Variants in POLN observed in about 807,000 individuals in gnomAD.
POLN encodes DNA polymerase N.
A neutral mutation model predicts 113.5 loss-of-function variants in POLN; 108 were observed. That is an observed-to-expected ratio of 0.95 (90% CI 0.81 to 1.12). The LOEUF (loss-of-function observed/expected upper bound fraction) is 1.12. Ranked by LOEUF, POLN falls within the 50% of genes most tolerant of loss-of-function variation. The probability of loss-of-function intolerance (pLI) is 0.00; values close to 1 mark genes in which losing one functional copy is unlikely to be tolerated. For missense variants in POLN, 1,097 were observed against 1,077.1 expected, an observed-to-expected ratio of 1.02 and a Z score of -0.26; for synonymous variants, 386 against 391.5, an observed-to-expected ratio of 0.99 and a Z score of 0.17.
chr4:2,220,777 A>G (rs11930010), intron 3 of POLN, among the ~76,000 whole-genome samples: 12,573 of 152,156 alleles, frequency 0.083, 778 homozygotes, highest in African/African-American at 0.16. Flanking sequence ...GTACTTTTCG[A>G]CAGGGTTATT....
intron 21 of POLN, 55 bp from the exon 22 acceptor site, chr4:2,081,798 T>C (rs1730427862): frequency 6.0e-6 from 9 of 1,497,720 alleles, no homozygotes; most frequent in Non-Finnish European, 8.4e-6. Flanking sequence ...CCACAGCAGG[T>C]GCAGCTCCCT....
At chr4:2,212,433 G>C (rs377080979) in intron 4 of POLN, among the ~76,000 whole-genome samples, 5 of 152,178 alleles carry the variant, frequency 3.3e-5, no homozygotes, top group African/African-American at 1.2e-4. Context: ...GGAGTGTTGT[G>C]GTGCAATCAC....
At chr4:2,233,664 T>G (rs1734659378) in intron 2 of POLN, among the ~76,000 whole-genome samples, 1 of 152,230 alleles carries the variant, frequency 6.6e-6, no homozygotes, top group Admixed American at 6.5e-5. Context: ...CTTATTTTTT[T>G]CCTTTTAACA....
intron 19 of POLN, among the ~76,000 whole-genome samples, chr4:2,097,007 T>A (rs1317207555): frequency 1.3e-5 from 2 of 152,226 alleles, no homozygotes; most frequent in Non-Finnish European, 2.9e-5. Context: ...TCCAAAAGCA[T>A]CTCTCTCCTC....
intron 16 of POLN, among the ~76,000 whole-genome samples, chr4:2,151,160 T>C (rs1171129732): frequency 1.3e-5 from 2 of 152,180 alleles, no homozygotes; most frequent in African/African-American, 4.8e-5. Context: ...GCAGAAGGTA[T>C]GACTAGGTGC....
chr4:2,174,697 A>C lies in POLN; in HGVS notation c.1303T>G (p.Leu435Val). Reference sequence around the variant, plus strand: ...CATCTTTATGGTAACTTACCTGCCAAAATTGGTATCAGAGGAAGCTCCAAA... The same window carrying C: ...CATCTTTATGGTAACTTACCTGCCACAATTGGTATCAGAGGAAGCTCCAAA... ...RTLELPLIPI[L>V]AVMESHAIQV... The change falls in exon 10 of 26, where the codon TTG (leucine) becomes GTG (valine). Residue 435 changes from leucine (L) to valine (V), a missense_variant. Transcript: ENST00000511885. 1 of 1,608,464 alleles carries C rather than the reference A, an allele frequency of 6.2e-7. No individual in the cohort carries two copies. Among genetic ancestry groups the C allele is most frequent in the Admixed American group, 1.7e-5 (1 of 59,982 alleles).
At chr4:2,193,384 A>T in intron 6 of POLN, 68 bp from the exon 7 acceptor site, 1 of 992,154 alleles carries the variant, frequency 1.0e-6, no homozygotes. Context: ...GAAAAATATT[A>T]TTACTACTCA....
chr4:2,143,464 C>G (rs907857615), intron 16 of POLN, among the ~76,000 whole-genome samples: 1 of 152,082 alleles, frequency 6.6e-6, no homozygotes, highest in Non-Finnish European at 1.5e-5. Flanking sequence ...ACCAATTCTT[C>G]AAAAAGCAAA....
At chr4:2,107,659 G>A (rs1359230636) in intron 19 of POLN, among the ~76,000 whole-genome samples, 1 of 152,196 alleles carries the variant, frequency 6.6e-6, no homozygotes, top group Non-Finnish European at 1.5e-5. Flanking sequence ...AAGGCCAGGG[G>A]GACCACTGGC....
intron 16 of POLN, among the ~76,000 whole-genome samples, chr4:2,133,158 A>AAAAT (rs1353505215): frequency 6.6e-6 from 1 of 151,666 alleles, no homozygotes; most frequent in Non-Finnish European, 1.5e-5. Flanking sequence ...CAAAAAAAAA[A>AAAAT]AAAAATAACA....
intron 3 of POLN, among the ~76,000 whole-genome samples, chr4:2,217,828 T>G (rs916973348): frequency 5.3e-5 from 8 of 152,184 alleles, no homozygotes; most frequent in African/African-American, 1.9e-4. Flanking sequence ...AGCCTAGGCC[T>G]CTTACAGGAT....
intron 3 of POLN, among the ~76,000 whole-genome samples, chr4:2,213,687 G>C (rs1266663091): frequency 3.3e-5 from 5 of 151,630 alleles, no homozygotes; most frequent in Non-Finnish European, 7.4e-5. Flanking sequence ...TGCAAATAGG[G>C]GAAAATATTT....
chr4:2,177,141 A>T (rs1178348581), intron 8 of POLN: 3 of 275,944 alleles, frequency 1.1e-5, no homozygotes, highest in African/African-American at 6.9e-5. Context: ...ACCTGGCAGA[A>T]TTCTACCTGG....
chr4:2,198,848 G>T, intron 5 of POLN, 131 bp from the exon 6 acceptor site: 1 of 922,882 alleles, frequency 1.1e-6, no homozygotes, highest in Non-Finnish European at 1.6e-6. Context: ...GTTTTTTAAT[G>T]ACAATTGAGG....
chr4:2,080,397 T>G (rs1182761020), intron 23 of POLN: 1 of 1,011,588 alleles, frequency 9.9e-7, no homozygotes, highest in Non-Finnish European at 1.2e-6. Flanking sequence ...ATCTGCATGT[T>G]GGCTCTGGGC....
intron 16 of POLN, among the ~76,000 whole-genome samples, chr4:2,153,728 G>T (rs543324993): frequency 1.3e-5 from 2 of 151,488 alleles, no homozygotes; most frequent in Admixed American, 1.3e-4. Context: ...GACCACAGGC[G>T]CCCACTACCA....
chr4:2,216,600 G>T (rs1268439228), intron 3 of POLN, among the ~76,000 whole-genome samples: 1 of 152,238 alleles, frequency 6.6e-6, no homozygotes, highest in Non-Finnish European at 1.5e-5. Context: ...CACTGCTGCA[G>T]TTCCTTGGCT....
chr4:2,121,082 T>C (rs964996186), intron 19 of POLN, among the ~76,000 whole-genome samples: 11 of 152,188 alleles, frequency 7.2e-5, no homozygotes, highest in African/African-American at 2.7e-4. Flanking sequence ...AGAACTTCAA[T>C]ATGCAATATT....
chr4:2,157,996 G>T, intron 14 of POLN, 85 bp from the exon 15 acceptor site: 1 of 1,052,302 alleles, frequency 9.5e-7, no homozygotes, highest in African/African-American at 1.6e-5. Context: ...CCATTGCCCA[G>T]GCTGGAGTGC....
Sources: allele counts gnomAD v4.1 joint callset (sites outside exome capture counted in the v4.1 genomes callset), GRCh38; gene constraint gnomAD v4.1.1; transcripts MANE v1.5; gene names NCBI Gene and HGNC (gene_info 2026-07-23, HGNC 2026-07-21).